Variants in ERBB4 observed in about 807,000 individuals in gnomAD.
ERBB4 encodes receptor tyrosine-protein kinase erbB-4.
Under a neutral mutation model 158.0 loss-of-function variants are expected in ERBB4, and 42 were observed. The ratio of observed to expected loss-of-function variants is 0.27; its 90% CI spans 0.21 to 0.34. The LOEUF is 0.34. ERBB4 is among the 10% of genes least tolerant of loss of function. The pLI, the probability that ERBB4 is intolerant of heterozygous loss-of-function variation, is 1.00. For synonymous variants in ERBB4, 583 were observed against 558.7 expected (o/e 1.04, Z -0.61); for missense variants, 1,333 against 1,624.1 (o/e 0.82, Z 3.08).
intron 2 of ERBB4, among the ~76,000 whole-genome samples, chr2:211,956,033 T>TGC (rs2081018625): frequency 9.9e-6 from 1 of 100,684 alleles, no homozygotes; most frequent in Non-Finnish European, 2.0e-5. Context: ...CTCTAAAGTG[T>TGC]GTGTGTGTGT....
At chr2:211,657,972 C>T (rs1490093516) in intron 15 of ERBB4, 144 bp from the exon 16 acceptor site, 6 of 1,603,338 alleles carry the variant, frequency 3.7e-6, no homozygotes, top group Middle Eastern at 1.7e-4. Context: ...CCGATGCAGT[C>T]TTCAATACTT....
chr2:211,863,526 G>C (rs1011567844), intron 3 of ERBB4, among the ~76,000 whole-genome samples: 1 of 152,152 alleles, frequency 6.6e-6, no homozygotes, highest in African/African-American at 2.4e-5. Context: ...CCTGAAGTCA[G>C]CGAAACTAAG....
In ERBB4 at chr2:212,342,074, C is replaced by T. The variant is rs112985122; in HGVS notation, c.82+196375G>A. On this transcript the variant is annotated intron_variant, in intron 1 of 27. Coordinates refer to ENST00000342788, the MANE Select transcript of ERBB4 (RefSeq NM_005235.3). ...AGAAGTTGGAGACCAACCTGGGCAACATAGGGAGATCTCATCTCTACAAAA... is the reference window on the plus strand; with the variant it reads ...AGAAGTTGGAGACCAACCTGGGCAATATAGGGAGATCTCATCTCTACAAAA... Among the ~76,000 whole-genome samples, 709 of 152,190 alleles carry T rather than the reference C, an allele frequency of 4.7e-3. 5 individuals are homozygous for T. Among genetic ancestry groups the T allele is most frequent in the South Asian group, 0.012 (60 of 4,812 alleles).
intron 25 of ERBB4, among the ~76,000 whole-genome samples, chr2:211,419,386 T>G (rs1343752725): frequency 6.6e-6 from 1 of 152,138 alleles, no homozygotes; most frequent in South Asian, 2.1e-4. Flanking sequence ...TAAAGAAAAT[T>G]ATGTTTGTTA....
intron 3 of ERBB4, among the ~76,000 whole-genome samples, chr2:211,889,532 G>C (rs534808031): frequency 1.3e-5 from 2 of 151,954 alleles, no homozygotes; most frequent in African/African-American, 2.4e-5. Flanking sequence ...ACCAGCAACG[G>C]AACAAGGAAC....
At chr2:212,370,625 A>T (rs2090052041) in intron 1 of ERBB4, among the ~76,000 whole-genome samples, 1 of 152,166 alleles carries the variant, frequency 6.6e-6, no homozygotes, top group Non-Finnish European at 1.5e-5. Context: ...GTAACATAGT[A>T]TTATTTTCAT....
At chr2:211,897,442 A>C (rs1164467402) in intron 3 of ERBB4, among the ~76,000 whole-genome samples, 4 of 146,320 alleles carry the variant, frequency 2.7e-5, no homozygotes, top group African/African-American at 7.4e-5. Context: ...ATAATTTGCA[A>C]AAAAAAAAAA....
chr2:212,042,004 C>T (rs1347903388), intron 2 of ERBB4, among the ~76,000 whole-genome samples: 1 of 152,004 alleles, frequency 6.6e-6, no homozygotes, highest in Non-Finnish European at 1.5e-5. Context: ...TGCTCTTGTT[C>T]CTCTTTGCCA....
chr2:211,443,726 T>C (rs572931074), intron 20 of ERBB4, among the ~76,000 whole-genome samples: 1 of 152,172 alleles, frequency 6.6e-6, no homozygotes, highest in Non-Finnish European at 1.5e-5. Context: ...TATGCAGCCA[T>C]AGGCACGTTA....
intron 4 of ERBB4, among the ~76,000 whole-genome samples, chr2:211,752,824 A>C (rs978168142): frequency 6.6e-6 from 1 of 150,680 alleles, no homozygotes; most frequent in South Asian, 2.1e-4. Flanking sequence ...CACAAAAAAC[A>C]AGTTTAAATA....
At chr2:211,427,255 T>C (rs2063649817) in intron 22 of ERBB4, among the ~76,000 whole-genome samples, 1 of 152,124 alleles carries the variant, frequency 6.6e-6, no homozygotes, top group Admixed American at 6.5e-5. Flanking sequence ...AAAACTTTTT[T>C]TTAAGCTTAA....
At chr2:212,061,114 G>C (rs1202232986) in intron 2 of ERBB4, among the ~76,000 whole-genome samples, 1 of 151,874 alleles carries the variant, frequency 6.6e-6, no homozygotes, top group African/African-American at 2.4e-5. Context: ...TGGTGTCGAA[G>C]TTCCCATTGA....
chr2:211,699,324 TTG>T (rs5838277), intron 12 of ERBB4, among the ~76,000 whole-genome samples: 63,026 of 151,742 alleles, frequency 0.42, 13,438 homozygotes, highest in South Asian at 0.47. Context: ...CATGTACATC[TTG>T]TGTGTGTGTG....
intron 1 of ERBB4, among the ~76,000 whole-genome samples, chr2:212,537,811 G>T (rs891011470): frequency 1.3e-5 from 2 of 151,794 alleles, no homozygotes; most frequent in African/African-American, 4.8e-5. Context: ...ATGGGGAGAG[G>T]GCTCCGGGAA....
Position 211,962,257 on chromosome 2 carries a change from C to T in ERBB4, c.235-14641G>A, listed in dbSNP as rs74746441. 4.7e-3 allele frequency among the ~76,000 whole-genome samples: 718 copies of T among 152,278 alleles called. 7 individuals carry two copies. The highest frequency in any genetic ancestry group is 0.016 in the African/African-American group (677 of 41,568). On this transcript the variant is annotated intron_variant, in intron 2 of 27. Coordinates refer to ENST00000342788, the MANE Select transcript of ERBB4 (RefSeq NM_005235.3). ...AAATGTCCCTTGCCTTTTCACATCT[C>T]TCCAATTGATATATGAAATCAGAAA...
At chr2:211,514,336 G>A (rs2065968509) in intron 20 of ERBB4, among the ~76,000 whole-genome samples, 1 of 152,092 alleles carries the variant, frequency 6.6e-6, no homozygotes, top group South Asian at 2.1e-4. Flanking sequence ...TCAAAGTAAG[G>A]TCAGCTGAGC....
At chr2:211,435,586 A>T (rs1239990149) in intron 20 of ERBB4, among the ~76,000 whole-genome samples, 4 of 152,288 alleles carry the variant, frequency 2.6e-5, no homozygotes, top group African/African-American at 9.6e-5. Context: ...TAACTGCCAG[A>T]GCTCTGCCTC....
At chr2:212,341,944 CA>C (rs2088737500) in intron 1 of ERBB4, among the ~76,000 whole-genome samples, 1 of 151,830 alleles carries the variant, frequency 6.6e-6, no homozygotes, top group South Asian at 2.1e-4. Flanking sequence ...ATATGTTGAC[CA>C]AATATATAAT....
chr2:211,649,477 G>A lies in ERBB4; in HGVS notation c.1946+8277C>T, dbSNP rs1392293557. Among the ~76,000 whole-genome samples the A allele has an allele frequency of 3.3e-5, 5 of 151,958 alleles. No individual in the cohort carries two copies. The East Asian group carries it at 7.7e-4, about 23-fold the overall frequency. ...TCCCTTTGGTCCTTTCTTTCCTGGTGTGTAGAACAATATAGCTATTCTCTC... is the reference window on the plus strand; with the variant it reads ...TCCCTTTGGTCCTTTCTTTCCTGGTATGTAGAACAATATAGCTATTCTCTC... On this transcript the variant is annotated intron_variant, in intron 16 of 27. Coordinates refer to ENST00000342788, the MANE Select transcript of ERBB4 (RefSeq NM_005235.3).
Sources: gnomAD v4.1 joint callset for allele counts (sites outside exome capture counted in the v4.1 genomes callset) on GRCh38, gnomAD v4.1.1 for gene constraint, MANE v1.5 for transcripts, NCBI Gene and HGNC (gene_info 2026-07-23, HGNC 2026-07-21) for gene names.